Variants in ANK2 observed in about 807,000 individuals in gnomAD.
The protein encoded by ANK2 is ankyrin 2.
Under a neutral mutation model 360.5 loss-of-function variants are expected in ANK2, and 83 were observed. The ratio of observed to expected loss-of-function variants is 0.23; its 90% CI spans 0.19 to 0.28. ANK2 has a LOEUF of 0.28. Among genes scored for constraint, ANK2 ranks in the 10% least tolerant of loss-of-function variants. ANK2 has a pLI of 1.00. For missense variants in ANK2, 4,201 were observed against 4,795.7 expected (o/e 0.88, Z 3.66); for synonymous variants, 1,740 against 1,759.5 (o/e 0.99, Z 0.28).
intron 2 of ANK2, among the ~76,000 whole-genome samples, chr4:112,905,673 G>T (rs908532777): frequency 1.3e-5 from 2 of 151,988 alleles, no homozygotes; most frequent in African/African-American, 4.8e-5. Context: ...TTTTTGTTTT[G>T]TTTTTTGAGA....
intron 45 of ANK2, among the ~76,000 whole-genome samples, chr4:113,379,360 T>G (rs2097087032): frequency 6.6e-6 from 1 of 152,242 alleles, no homozygotes; most frequent in Non-Finnish European, 1.5e-5. Context: ...TCCATAGAGT[T>G]TCCACAGCTA....
chr4:113,363,187 C>T (rs2096324325), intron 39 of ANK2, 151 bp from the exon 40 acceptor site: 3 of 724,432 alleles, frequency 4.1e-6, no homozygotes, highest in Non-Finnish European at 6.8e-6. Flanking sequence ...AGAACAAAGG[C>T]ATATAAGAGT....
chr4:113,041,429 G>A (rs2062925371), intron 2 of ANK2, among the ~76,000 whole-genome samples: 1 of 152,082 alleles, frequency 6.6e-6, no homozygotes, highest in South Asian at 2.1e-4. Context: ...AGCTCTTCAT[G>A]GGAGATGGGC....
At chr4:113,086,465 A>G (rs1209709938) in intron 1 of ANK2, among the ~76,000 whole-genome samples, 1 of 152,182 alleles carries the variant, frequency 6.6e-6, no homozygotes, top group East Asian at 1.9e-4. Flanking sequence ...CCACAGGTTG[A>G]CTTAGTGCCA....
intron 22 of ANK2, 78 bp downstream of exon 22, chr4:113,293,616 C>T: frequency 7.4e-7 from 1 of 1,352,848 alleles, no homozygotes; most frequent in Non-Finnish European, 1.0e-6. Flanking sequence ...TACTTTTTCA[C>T]TCACAAGATG....
Position 113,193,877 on chromosome 4 carries a change from A to T in ANK2, c.187-2491A>T, listed in dbSNP as rs1011046675. On this transcript the variant is annotated intron_variant, in intron 2 of 45. Transcript: ENST00000357077. ...CCTTCTCCAAAATATTTACATTTTC[A>T]TACAATTAAAGATGTTATATAAGTT... 2.6e-5 allele frequency among the ~76,000 whole-genome samples: 4 copies of T among 152,250 alleles called. No individual in the cohort carries two copies. In the East Asian group the frequency reaches 7.7e-4, roughly 29 times the overall value.
chr4:113,173,287 A>G (rs1466379983), intron 1 of ANK2, among the ~76,000 whole-genome samples: 2 of 152,190 alleles, frequency 1.3e-5, no homozygotes, highest in African/African-American at 4.8e-5. Context: ...CTATCTCTGT[A>G]CATCACCACA....
At chr4:112,864,957 A>G (rs939385222) in intron 1 of ANK2, among the ~76,000 whole-genome samples, 3 of 139,388 alleles carry the variant, frequency 2.2e-5, no homozygotes, top group Non-Finnish European at 3.0e-5. Context: ...GCGTGAACCC[A>G]GGAGGCGGAG....
chr4:112,843,743 G>C (rs190041179), intron 1 of ANK2, among the ~76,000 whole-genome samples: 386 of 152,168 alleles, frequency 2.5e-3, no homozygotes, highest in Non-Finnish European at 4.2e-3. Flanking sequence ...TATTATGTTT[G>C]AGAAATGTTG....
the ANK2 span, among the ~76,000 whole-genome samples, chr4:112,731,086 G>A: frequency 6.6e-6 from 1 of 151,766 alleles, no homozygotes; most frequent in Non-Finnish European, 1.5e-5. Context: ...AGGTTGCAGT[G>A]GGCCGAGTTA....
intron 2 of ANK2, among the ~76,000 whole-genome samples, chr4:112,981,357 T>C (rs188456966): frequency 5.8e-4 from 89 of 152,286 alleles, no homozygotes; most frequent in African/African-American, 1.9e-3. Context: ...TCATGAAAAC[T>C]AACCAGTGGA....
intron 1 of ANK2, among the ~76,000 whole-genome samples, chr4:113,127,898 G>T (rs1193357516): frequency 6.6e-6 from 1 of 152,106 alleles, no homozygotes; most frequent in African/African-American, 2.4e-5. Flanking sequence ...AGGAAAACAG[G>T]ATGGTTATCA....
intron 2 of ANK2, among the ~76,000 whole-genome samples, chr4:113,006,935 T>C (rs1004573117): frequency 6.6e-6 from 1 of 152,152 alleles, no homozygotes; most frequent in African/African-American, 2.4e-5. Context: ...ACTTTAAAAA[T>C]TGTTAACAAT....
At chr4:113,305,379 A>T (rs3025708) in intron 23 of ANK2, among the ~76,000 whole-genome samples, 1 of 149,608 alleles carries the variant, frequency 6.7e-6, no homozygotes, top group Non-Finnish European at 1.5e-5. Context: ...AGATCTGCCT[A>T]TTGCATTAAA....
chr4:113,377,434 G>T (rs2096989084), intron 45 of ANK2, among the ~76,000 whole-genome samples: 1 of 152,098 alleles, frequency 6.6e-6, no homozygotes, highest in African/African-American at 2.4e-5. Flanking sequence ...GCATGTGACT[G>T]TATATGCATT....
chr4:112,929,719 G>A (rs2092971104), intron 2 of ANK2, among the ~76,000 whole-genome samples: 1 of 152,170 alleles, frequency 6.6e-6, no homozygotes, highest in Non-Finnish European at 1.5e-5. Flanking sequence ...CTTGCATCCA[G>A]AGTCAGGCGC....
intron 1 of ANK2, chr4:113,152,200 T>C (rs1318788788): frequency 1.3e-5 from 2 of 152,092 alleles, no homozygotes; most frequent in Admixed American, 6.5e-5. Flanking sequence ...ACTTGAACTA[T>C]GTAATAACTT....
chr4:113,307,674 A>G (rs1238782111), intron 23 of ANK2, among the ~76,000 whole-genome samples: 1 of 152,254 alleles, frequency 6.6e-6, no homozygotes, highest in African/African-American at 2.4e-5. Context: ...AAGTGCTGGG[A>G]TTACAGGCGT....
At chr4:113,166,413 A>G (rs937977977) in intron 1 of ANK2, among the ~76,000 whole-genome samples, 2 of 152,076 alleles carry the variant, frequency 1.3e-5, no homozygotes, top group South Asian at 4.1e-4. Context: ...ATGAGCGTAT[A>G]TTTACACTCA....
Sources: gnomAD v4.1 joint callset for allele counts (sites outside exome capture counted in the v4.1 genomes callset) on GRCh38, gnomAD v4.1.1 for gene constraint, MANE v1.5 for transcripts, NCBI Gene and HGNC (gene_info 2026-07-23, HGNC 2026-07-21) for gene names.